The following PVALB variants were observed in gnomAD, a reference collection of about 807,000 sequenced individuals.
PVALB encodes parvalbumin alpha.
A neutral mutation model predicts 10.9 loss-of-function variants in PVALB; 11 were observed. The observed-to-expected ratio is 1.01, with a 90% confidence interval of 0.63 to 1.67. The LOEUF (loss-of-function observed/expected upper bound fraction) is 1.67, where lower values mean the gene tolerates loss of function less well. PVALB is among the 40% of genes most tolerant of loss of function. The pLI is 0.00. For missense variants in PVALB, 131 were observed against 136.2 expected (o/e 0.96, Z 0.19); for synonymous variants, 57 against 50.7 (o/e 1.12, Z -0.53).
intron 3 of PVALB, 102 bp from the exon 4 acceptor site, chr22:36,801,020 T>A: frequency 8.8e-7 from 1 of 1,136,902 alleles, no homozygotes; most frequent in Non-Finnish European, 1.3e-6. Flanking sequence ...CTCTGGGTTC[T>A]TGCTTCTGCT....
At position 36,815,138 on chromosome 22, in the gene PVALB, C is replaced by T. The variant is rs748612611; in HGVS notation, c.159G>A (p.Lys53=). The change falls in exon 2 of 4, where the codon AAG becomes AAA. Residue 53 remains lysine (K), a synonymous_variant. Transcript: ENST00000417718. ...DVKKVFHMLD[K]DKSGFIEEDE... is the part of the protein sequence containing the mutation. The stretch of plus-strand genomic sequence containing the variant: ...CCTCCTCGATGAAGCCACTTTTGTC[C>T]TTGTCCAGCATGTGAAACACCTTCT... 3.7e-6 allele frequency: 6 copies of T among 1,614,064 alleles called. No individual in the cohort carries two copies. In the South Asian group the frequency reaches 6.6e-5, roughly 18 times the overall value.
chr22:36,811,060 G>C (rs1939038399), intron 3 of PVALB, among the ~76,000 whole-genome samples: 2 of 152,214 alleles, frequency 1.3e-5, no homozygotes, highest in African/African-American at 4.8e-5. Context: ...CGGATGACTT[G>C]AGGTCAGGAG....
intron 3 of PVALB, among the ~76,000 whole-genome samples, chr22:36,812,438 C>A (rs766917909): frequency 6.6e-6 from 1 of 152,104 alleles, no homozygotes; most frequent in Non-Finnish European, 1.5e-5. Context: ...GGTACCCTTG[C>A]GAAGGGACCT....
chr22:36,810,471 T>C (rs1438956193), intron 3 of PVALB, among the ~76,000 whole-genome samples: 1 of 152,206 alleles, frequency 6.6e-6, no homozygotes, highest in Admixed American at 6.5e-5. Context: ...CTCAAAAGCA[T>C]GAAGTGTGGG....
chr22:36,805,619 G>A (rs770136227), intron 3 of PVALB, among the ~76,000 whole-genome samples: 14 of 152,156 alleles, frequency 9.2e-5, no homozygotes, highest in Non-Finnish European at 1.9e-4. Flanking sequence ...TATCTGGCTA[G>A]GTGGCCATCA....
chr22:36,815,346 G>A (rs1330901877), intron 1 of PVALB, 111 bp from the exon 2 acceptor site: 1 of 1,415,568 alleles, frequency 7.1e-7, no homozygotes, highest in Non-Finnish European at 9.8e-7. Context: ...GCCAGTCATG[G>A]GGAATGAGAG....
chr22:36,811,546 T>C (rs1262498500), intron 3 of PVALB: 1 of 461,446 alleles, frequency 2.2e-6, no homozygotes, highest in African/African-American at 2.1e-5. Context: ...GTTTAGTTGA[T>C]GCCTTAAGAT....
chr22:36,811,504 C>T (rs1156597243), intron 3 of PVALB: 1 of 469,722 alleles, frequency 2.1e-6, no homozygotes, highest in East Asian at 7.0e-5. Flanking sequence ...AGAGTTGCTA[C>T]TCAGTCAACA....
chr22:36,810,608 G>A (rs949115721), intron 3 of PVALB, among the ~76,000 whole-genome samples: 1 of 152,184 alleles, frequency 6.6e-6, no homozygotes, highest in African/African-American at 2.4e-5. Flanking sequence ...GACACTTGCT[G>A]GCATTGTGAC....
intron 3 of PVALB, chr22:36,811,582 G>A (rs1939047345): frequency 2.2e-6 from 1 of 460,542 alleles, no homozygotes; most frequent in South Asian, 1.6e-5. Flanking sequence ...AGGGAGGGAG[G>A]GAGGCAGGGA....
At chr22:36,813,567 AC>A in intron 3 of PVALB, 78 bp downstream of exon 3, 1 of 1,192,422 alleles carries the variant, frequency 8.4e-7, no homozygotes, top group Non-Finnish European at 1.2e-6. Flanking sequence ...CTTCCTTGTG[AC>A]AGACATAGCT....
chr22:36,804,448 G>A (rs1264934150), intron 3 of PVALB, among the ~76,000 whole-genome samples: 1 of 152,250 alleles, frequency 6.6e-6, no homozygotes, highest in South Asian at 2.1e-4. Context: ...GCCTTCGGCA[G>A]AGAACACGGA....
chr22:36,815,383 G>A lies in PVALB; in HGVS notation c.62-148C>T, dbSNP rs1939123042. Reference sequence around the variant, plus strand: ...TACCCACCTCCATTGGAGGGCTGAGGGAGCCCGGGCAAGGGAGGATAACCT... The same window carrying A: ...TACCCACCTCCATTGGAGGGCTGAGAGAGCCCGGGCAAGGGAGGATAACCT... On this transcript the variant is annotated intron_variant, in intron 1 of 3. Transcript: ENST00000417718. 9.0e-6 allele frequency: 10 copies of A among 1,112,172 alleles called. No homozygotes were observed. In the South Asian group the frequency reaches 1.3e-4, roughly 15 times the overall value. 68.9% of individuals were successfully genotyped at this position (1,112,172 alleles called of 1,614,324 possible). A position where few individuals can be genotyped will look rare whatever the true frequency, so the allele number is the denominator to read the frequency against.
At chr22:36,808,190 C>T (rs1274213600) in intron 3 of PVALB, among the ~76,000 whole-genome samples, 3 of 152,214 alleles carry the variant, frequency 2.0e-5, no homozygotes, top group African/African-American at 4.8e-5. Flanking sequence ...TTCCCGGGGC[C>T]TCAGATTCCT....
At chr22:36,813,522 C>G (rs958725976) in intron 3 of PVALB, 124 bp downstream of exon 3, 7 of 758,840 alleles carry the variant, frequency 9.2e-6, no homozygotes, top group East Asian at 4.9e-5. Flanking sequence ...TTTTTGTCTT[C>G]TAATCTGGGG....
At chr22:36,813,346 G>A in intron 3 of PVALB, 1 of 352,412 alleles carries the variant, frequency 2.8e-6, no homozygotes, top group Non-Finnish European at 5.2e-6. Context: ...CAGTATCCAT[G>A]CAAAAATGCA....
chr22:36,807,437 G>A (rs557891980), intron 3 of PVALB, among the ~76,000 whole-genome samples: 2 of 152,200 alleles, frequency 1.3e-5, no homozygotes, highest in South Asian at 2.1e-4. Context: ...CATAGAGGCC[G>A]GAGGGCTAGA....
intron 3 of PVALB, among the ~76,000 whole-genome samples, chr22:36,802,601 C>CAAAAAAAAAA (rs71322681): frequency 3.6e-5 from 2 of 54,908 alleles, no homozygotes; most frequent in Admixed American, 1.9e-4. Flanking sequence ...CTCCATCTCA[C>CAAAAAAAAAA]ACAAAAAAAA....
chr22:36,816,904 G>A, intron 1 of PVALB, 41 bp downstream of exon 1: 1 of 1,554,210 alleles, frequency 6.4e-7, no homozygotes, highest in East Asian at 2.3e-5. Context: ...GCGGGCGGTG[G>A]ACGAGGGGAG....
Sources: allele counts gnomAD v4.1 joint callset (sites outside exome capture counted in the v4.1 genomes callset), GRCh38; gene constraint gnomAD v4.1.1; transcripts MANE v1.5; gene names NCBI Gene and HGNC (gene_info 2026-07-23, HGNC 2026-07-21).